PCLO: variants seen among roughly 807,000 people sequenced by gnomAD.
PCLO encodes protein piccolo.
Under a neutral mutation model 427.5 loss-of-function variants are expected in PCLO, and 82 were observed. The observed-to-expected ratio is 0.19, with a 90% confidence interval of 0.16 to 0.23. The LOEUF (loss-of-function observed/expected upper bound fraction) is 0.23. Among genes scored for constraint, PCLO ranks in the 10% least tolerant of loss-of-function variants. The probability of loss-of-function intolerance (pLI) is 1.00; values close to 1 mark genes in which losing one functional copy is unlikely to be tolerated. For missense variants in PCLO, 6,239 were observed against 6,115.9 expected (o/e 1.02, Z -0.67); for synonymous variants, 2,357 against 2,155.4 (o/e 1.09, Z -2.59).
chr7:83,137,509 C>T (rs28719526), intron 2 of PCLO, among the ~76,000 whole-genome samples: 530 of 152,306 alleles, frequency 3.5e-3, no homozygotes, highest in African/African-American at 0.012. Flanking sequence ...CGGCTCACTG[C>T]AAGCTCTGCC....
intron 4 of PCLO, among the ~76,000 whole-genome samples, chr7:82,962,354 T>C (rs1795672589): frequency 6.6e-6 from 1 of 151,904 alleles, no homozygotes; most frequent in South Asian, 2.1e-4. Context: ...TTTTTGGCCA[T>C]GAAAAAATTA....
chr7:82,966,613 T>C lies in PCLO; in HGVS notation c.3301-126A>G, dbSNP rs914068574. The C allele has an allele frequency of 8.1e-6, 4 of 493,980 alleles. No homozygotes were observed. In the South Asian group the frequency reaches 1.9e-4, roughly 24 times the overall value. 30.6% of individuals were successfully genotyped at this position (493,980 alleles called of 1,614,324 possible). ...TTTGTACATGGAGAAGGTGGGTCACTGTTTTCCAAATCCAATGACGCAGTA... is the reference window on the plus strand; with the variant it reads ...TTTGTACATGGAGAAGGTGGGTCACCGTTTTCCAAATCCAATGACGCAGTA... On this transcript the variant is annotated intron_variant, in intron 3 of 24. Coordinates refer to ENST00000333891, the MANE Select transcript of PCLO (RefSeq NM_033026.6).
chr7:82,805,155 T>A (rs1394179131), intron 21 of PCLO, among the ~76,000 whole-genome samples: 1 of 152,020 alleles, frequency 6.6e-6, no homozygotes, highest in Admixed American at 6.6e-5. Flanking sequence ...CAGGGACCTA[T>A]GCACTACTCG....
At position 83,155,975 on chromosome 7, in the gene PCLO, C is replaced by A. The variant is rs1792285978; in HGVS notation, c.666G>T (p.Gln222His). 6.2e-7 allele frequency: 1 copy of A among 1,613,472 alleles called. No homozygotes were observed. The change falls in exon 2 of 25, where the codon CAG (glutamine) becomes CAT (histidine). Residue 222 changes from glutamine to histidine, a missense_variant. Transcript: ENST00000333891. ...QQQPPKPIPK[Q>H]QGPGRDPLQQ... ...GAAGCGGATCCCTACCAGGTCCTTG[C>A]TGCTTAGGAATCGGCTTGGGTGGCT...
intron 3 of PCLO, among the ~76,000 whole-genome samples, chr7:83,103,471 T>C (rs1161581577): frequency 6.6e-6 from 1 of 151,942 alleles, no homozygotes; most frequent in African/African-American, 2.4e-5. Flanking sequence ...AACCTCATTC[T>C]CTTCTATTAC....
chr7:82,845,169 C>A (rs1792466179), intron 13 of PCLO, 102 bp downstream of exon 13: 2 of 825,920 alleles, frequency 2.4e-6, no homozygotes, highest in African/African-American at 1.7e-5. Flanking sequence ...AATGAGAAAT[C>A]ATAAGAAAAA....
chr7:82,816,641 T>C (rs1054432895), intron 20 of PCLO, among the ~76,000 whole-genome samples: 1 of 152,158 alleles, frequency 6.6e-6, no homozygotes, highest in Non-Finnish European at 1.5e-5. Context: ...TTAGATCATA[T>C]ATTAATAGTC....
intron 3 of PCLO, among the ~76,000 whole-genome samples, chr7:83,079,208 AT>A (rs750737050): frequency 2.2e-4 from 33 of 152,188 alleles, no homozygotes; most frequent in Non-Finnish European, 4.3e-4. Context: ...ATGAATACCA[AT>A]ACATGCAACA....
chr7:82,972,924 T>A (rs1337932369), intron 3 of PCLO, among the ~76,000 whole-genome samples: 2 of 152,156 alleles, frequency 1.3e-5, no homozygotes, highest in African/African-American at 4.8e-5. Context: ...CCGTAACTTG[T>A]CATTTTTATC....
chr7:83,023,235 A>T (rs1788390474), intron 3 of PCLO, among the ~76,000 whole-genome samples: 1 of 152,216 alleles, frequency 6.6e-6, no homozygotes, highest in Non-Finnish European at 1.5e-5. Flanking sequence ...GGTTTTGCAG[A>T]TCATAATGTA....
chr7:82,877,903 C>T (rs768930996), intron 10 of PCLO, among the ~76,000 whole-genome samples: 1 of 152,098 alleles, frequency 6.6e-6, no homozygotes, highest in Non-Finnish European at 1.5e-5. Context: ...AGCTGCTGGC[C>T]TCAAGAGATC....
At chr7:82,958,963 C>T (rs1159290419) in intron 4 of PCLO, among the ~76,000 whole-genome samples, 5 of 152,140 alleles carry the variant, frequency 3.3e-5, no homozygotes, top group African/African-American at 1.2e-4. Flanking sequence ...ACAGTAAACA[C>T]CATCATGATG....
chr7:83,038,337 A>T (rs1788884206), intron 3 of PCLO, among the ~76,000 whole-genome samples: 1 of 151,204 alleles, frequency 6.6e-6, no homozygotes, highest in Non-Finnish European at 1.5e-5. Flanking sequence ...ATAACTTCAA[A>T]ATAAGCTCCA....
intron 9 of PCLO, among the ~76,000 whole-genome samples, chr7:82,895,782 A>G (rs1203176171): frequency 2.6e-5 from 4 of 151,944 alleles, no homozygotes; most frequent in African/African-American, 9.7e-5. Context: ...ACATTTAAAT[A>G]GTCTTATAAC....
intron 2 of PCLO, among the ~76,000 whole-genome samples, chr7:83,152,271 A>T: frequency 6.6e-6 from 1 of 152,122 alleles, no homozygotes; most frequent in East Asian, 1.9e-4. Flanking sequence ...GCCCAAAGTT[A>T]CTTTTTATAG....
chr7:82,966,419 G>A lies in PCLO; in HGVS notation c.3369C>T (p.Arg1123=), dbSNP rs889374343. The change falls in exon 4 of 25, where the codon CGC becomes CGT. Residue 1123 remains arginine (R), a synonymous_variant. Transcript: ENST00000333891. ...GTCCTGATGGTGCAGGTGGCATTTT[G>A]CGTATGTCTCCAAGCTGTCCTGATA... ...RAISGQLGDI[R]KMPPAPSGPK... The A allele has an allele frequency of 1.2e-6, 2 of 1,613,228 alleles. No individual in the cohort carries two copies. Among genetic ancestry groups the A allele is most frequent in the Middle Eastern group, 1.7e-4 (1 of 6,050 alleles).
intron 3 of PCLO, among the ~76,000 whole-genome samples, chr7:83,087,591 T>C (rs1790270738): frequency 6.6e-6 from 1 of 152,192 alleles, no homozygotes; most frequent in Non-Finnish European, 1.5e-5. Flanking sequence ...AAGCATAATT[T>C]ATATTTGTAT....
At chr7:82,847,299 G>A (rs879848532) in intron 10 of PCLO, 52 bp from the exon 11 acceptor site, 1 of 972,392 alleles carries the variant, frequency 1.0e-6, no homozygotes, top group Non-Finnish European at 1.6e-6. Flanking sequence ...CTCTAGTCTG[G>A]GTACATATGG....
intron 14 of PCLO, among the ~76,000 whole-genome samples, chr7:82,839,908 T>C (rs904862177): frequency 6.6e-6 from 1 of 151,958 alleles, no homozygotes; most frequent in Non-Finnish European, 1.5e-5. Context: ...AATAAAATAA[T>C]AATAATAATA....
Sources: allele counts gnomAD v4.1 joint callset (sites outside exome capture counted in the v4.1 genomes callset), GRCh38; gene constraint gnomAD v4.1.1; transcripts MANE v1.5; gene names NCBI Gene and HGNC (gene_info 2026-07-23, HGNC 2026-07-21).